Variants in ZCCHC10 observed in about 807,000 individuals in gnomAD.
ZCCHC10 encodes zinc finger CCHC-type containing 10, also known as zinc finger CCHC domain-containing protein 10.
In ZCCHC10, 16 loss-of-function variants were observed where a neutral mutation model predicts 19.5. The observed-to-expected ratio is 0.82, with a 90% CI of 0.56 to 1.25. ZCCHC10 has a LOEUF of 1.25. Ranked by LOEUF, ZCCHC10 falls within the 50% of genes most tolerant of loss-of-function variation. The pLI is 0.00. For missense variants in ZCCHC10, 197 were observed against 201.0 expected (o/e 0.98, Z 0.12); for synonymous variants, 67 against 72.5 (o/e 0.92, Z 0.38).
chr5:133,000,937 T>C (rs1166615109), intron 3 of ZCCHC10, among the ~76,000 whole-genome samples: 1 of 151,780 alleles, frequency 6.6e-6, no homozygotes, highest in Non-Finnish European at 1.5e-5. Flanking sequence ...CCACCCTGCC[T>C]GGCCGAGTTA....
intron 2 of ZCCHC10, among the ~76,000 whole-genome samples, chr5:133,015,760 C>T (rs963876470): frequency 4.0e-5 from 3 of 74,346 alleles, no homozygotes; most frequent in Admixed American, 1.1e-4. Flanking sequence ...TAGGTCACTC[C>T]TCAATTCCTG....
chr5:133,015,619 T>G (rs759577481), intron 2 of ZCCHC10, among the ~76,000 whole-genome samples: 3 of 152,132 alleles, frequency 2.0e-5, no homozygotes, highest in African/African-American at 7.2e-5. Context: ...CTTACCCTGC[T>G]GTCAATAGCC....
rs189710169 is a variant in ZCCHC10 at position 132,999,634 on chromosome 5, G to A, written c.311+498C>T. Among the ~76,000 whole-genome samples the A allele has an allele frequency of 7.4e-4, 112 of 152,256 alleles. No homozygotes were observed. In the Middle Eastern group the frequency reaches 0.014, roughly 18 times the overall value. On this transcript the variant is annotated intron_variant, in intron 4 of 4. Coordinates refer to ENST00000509437, the MANE Select transcript of ZCCHC10 (RefSeq NM_001300816.3). ...CGTACAAGGACTCTAGAAAGTTGGAGTAAAAGGAGAAATGGAAGCAATGCA... is the reference window on the plus strand; with the variant it reads ...CGTACAAGGACTCTAGAAAGTTGGAATAAAAGGAGAAATGGAAGCAATGCA...
At chr5:133,019,038 T>C in intron 2 of ZCCHC10, 1 of 448,064 alleles carries the variant, frequency 2.2e-6, no homozygotes, top group Non-Finnish European at 4.4e-6. Context: ...CCAGACATTC[T>C]GGAGTTTGTT....
intron 2 of ZCCHC10, among the ~76,000 whole-genome samples, chr5:133,014,250 C>G (rs549766453): frequency 6.6e-6 from 1 of 151,002 alleles, no homozygotes; most frequent in Non-Finnish European, 1.5e-5. Flanking sequence ...ACCTCCGCCT[C>G]CCAGGTTCAA....
At chr5:133,000,337 T>C (rs1416565513) in intron 3 of ZCCHC10, 164 bp from the exon 4 acceptor site, 2 of 753,326 alleles carry the variant, frequency 2.7e-6, no homozygotes, top group East Asian at 2.8e-5. Context: ...GTGGAAAGTC[T>C]GCCATTGTAG....
At chr5:133,004,582 G>A (rs561480288) in intron 3 of ZCCHC10, among the ~76,000 whole-genome samples, 94 of 152,170 alleles carry the variant, frequency 6.2e-4, no homozygotes, top group Admixed American at 4.5e-3. Flanking sequence ...TCCGCCTTCC[G>A]GGTTCACGCC....
intron 2 of ZCCHC10, among the ~76,000 whole-genome samples, chr5:133,013,077 T>A (rs1292551328): frequency 1.1e-3 from 117 of 108,676 alleles, no homozygotes; most frequent in East Asian, 5.4e-3. Flanking sequence ...AAAAAAAAAA[T>A]AATAAATAAA....
chr5:133,022,184 TTTTC>T (rs1764357708), intron 2 of ZCCHC10, among the ~76,000 whole-genome samples: 1 of 152,194 alleles, frequency 6.6e-6, no homozygotes, highest in Admixed American at 6.6e-5. Flanking sequence ...TACAAAAATT[TTTTC>T]TTTCTTTATA....
At chr5:133,006,984 T>C (rs967385214) in intron 2 of ZCCHC10, 64 bp from the exon 3 acceptor site, 2 of 1,387,436 alleles carry the variant, frequency 1.4e-6, no homozygotes, top group Admixed American at 5.5e-5. Flanking sequence ...CCCTAAAAAC[T>C]ATAAAAAAAT....
Position 133,026,542 on chromosome 5 carries a change from G to A in ZCCHC10, c.-5C>T, listed in dbSNP as rs950586132. On this transcript the variant is annotated 5_prime_UTR_variant, in exon 1 of 5. Transcript: ENST00000509437. ...CCGATGCATGGGAGTCGCCATCTTA[G>A]CGCGGTCAAAGCCGGCCGCGCAGGG... 6 of 1,613,676 alleles carry A rather than the reference G, an allele frequency of 3.7e-6. No homozygotes were observed. Among genetic ancestry groups the A allele is most frequent in the Non-Finnish European group, 5.1e-6 (6 of 1,179,932 alleles).
intron 2 of ZCCHC10, among the ~76,000 whole-genome samples, chr5:133,015,262 A>C (rs968221917): frequency 6.6e-6 from 1 of 151,968 alleles, no homozygotes; most frequent in Non-Finnish European, 1.5e-5. Context: ...TATTTTTAGC[A>C]GATACAGGGT....
At chr5:133,004,323 C>T (rs918270086) in intron 3 of ZCCHC10, among the ~76,000 whole-genome samples, 3 of 151,802 alleles carry the variant, frequency 2.0e-5, no homozygotes, top group Admixed American at 6.6e-5. Context: ...TATGGGCATG[C>T]GCCACCACGT....
chr5:133,006,941 T>C (rs761882675), intron 2 of ZCCHC10, 21 bp from the exon 3 acceptor site: 2 of 1,567,972 alleles, frequency 1.3e-6, no homozygotes, highest in African/African-American at 1.4e-5. Flanking sequence ...AAAAACAGAA[T>C]ACAAGCCTTA....
intron 2 of ZCCHC10, among the ~76,000 whole-genome samples, chr5:133,016,313 T>C (rs1434197430): frequency 6.6e-6 from 1 of 152,252 alleles, no homozygotes; most frequent in East Asian, 1.9e-4. Context: ...TACTTACATC[T>C]ATATTTAATA....
chr5:133,013,557 A>C (rs1434887303), intron 2 of ZCCHC10, among the ~76,000 whole-genome samples: 2 of 151,774 alleles, frequency 1.3e-5, no homozygotes, highest in African/African-American at 4.8e-5. Context: ...CCTCGTCTCT[A>C]CTAAAAATAC....
At chr5:133,002,729 C>CT (rs35533997) in intron 3 of ZCCHC10, among the ~76,000 whole-genome samples, 52,352 of 151,316 alleles carry the variant, frequency 0.35, 10,357 homozygotes, top group African/African-American at 0.55. Flanking sequence ...GATACTTTTT[C>CT]TTTTTTTTGA....
intron 1 of ZCCHC10, among the ~76,000 whole-genome samples, chr5:133,025,522 AAAAAAAAAAAAG>A (rs1157671814): frequency 1.1e-4 from 17 of 148,454 alleles, no homozygotes; most frequent in African/African-American, 4.4e-4. Flanking sequence ...AAAAAAAAAA[AAAAAAAAAAAAG>A]AAAGGGGCAT....
chr5:133,006,036 ATGCAGTGGCAC>A (rs1763100753), intron 3 of ZCCHC10, among the ~76,000 whole-genome samples: 6 of 141,362 alleles, frequency 4.2e-5, no homozygotes, highest in Non-Finnish European at 7.5e-5. Context: ...CCAGTCGGGA[ATGCAGTGGCAC>A]AATCTCAGCT....
Sources: allele counts gnomAD v4.1 joint callset (sites outside exome capture counted in the v4.1 genomes callset), GRCh38; gene constraint gnomAD v4.1.1; transcripts MANE v1.5; gene names NCBI Gene and HGNC (gene_info 2026-07-23, HGNC 2026-07-21).